The following SRD5A2 variants were observed in gnomAD, a reference collection of about 807,000 sequenced individuals.
SRD5A2 encodes the protein 3-oxo-5-alpha-steroid 4-dehydrogenase 2.
SRD5A2 carries 30 observed loss-of-function variants against 27.4 expected under a neutral mutation model. The ratio of observed to expected loss-of-function variants is 1.10; its 90% CI spans 0.82 to 1.49. The LOEUF is 1.49. SRD5A2 is among the 40% of genes most tolerant of loss of function. The probability of loss-of-function intolerance (pLI) is 0.00; values close to 1 mark genes in which losing one functional copy is unlikely to be tolerated. For missense variants in SRD5A2, 348 were observed against 323.4 expected, an observed-to-expected ratio of 1.08 and a Z score of -0.58; for synonymous variants, 141 against 133.6, an observed-to-expected ratio of 1.06 and a Z score of -0.38.
At chr2:31,552,572 A>C (rs187178849) in intron 1 of SRD5A2, among the ~76,000 whole-genome samples, 1 of 152,272 alleles carries the variant, frequency 6.6e-6, no homozygotes, top group East Asian at 1.9e-4. Flanking sequence ...GCATCTCACC[A>C]AGAAGAGAGA....
In SRD5A2 at chr2:31,574,053, G is replaced by C. The variant is rs73922393; in HGVS notation, c.281+6567C>G. Among the ~76,000 whole-genome samples the C allele has an allele frequency of 2.4e-3, 365 of 152,280 alleles. 4 individuals carry two copies. Among genetic ancestry groups the C allele is most frequent in the African/African-American group, 8.3e-3 (346 of 41,558 alleles). ...CCCATGCACAATCAAACATAGACAG[G>C]CACTAGGGCCCTCTCAGATGAATGT... On this transcript the variant is annotated intron_variant, in intron 1 of 4. Transcript: ENST00000622030.
At chr2:31,617,231 T>C in the SRD5A2 span, among the ~76,000 whole-genome samples, 7 of 152,096 alleles carry the variant, frequency 4.6e-5, no homozygotes, top group African/African-American at 1.7e-4. Flanking sequence ...GCTTGGGACT[T>C]GTAACATCTG....
chr2:31,534,434 C>T (rs1271333406), intron 1 of SRD5A2, among the ~76,000 whole-genome samples: 2 of 152,086 alleles, frequency 1.3e-5, no homozygotes, highest in Non-Finnish European at 2.9e-5. Context: ...AGAAGGAACC[C>T]CTAGTTTGGC....
At chr2:31,631,708 A>G in the SRD5A2 span, among the ~76,000 whole-genome samples, 1 of 152,130 alleles carries the variant, frequency 6.6e-6, no homozygotes, top group African/African-American at 2.4e-5. Context: ...ACTAACCCCA[A>G]ATGAAAGAAG....
the SRD5A2 span, among the ~76,000 whole-genome samples, chr2:31,632,250 G>A: frequency 3.9e-5 from 6 of 152,290 alleles, no homozygotes; most frequent in African/African-American, 1.4e-4. Context: ...AAAGGCCACT[G>A]CTTGAGTCAT....
chr2:31,616,597 C>T, the SRD5A2 span, among the ~76,000 whole-genome samples: 1 of 152,146 alleles, frequency 6.6e-6, no homozygotes, highest in Non-Finnish European at 1.5e-5. Flanking sequence ...CTTTGTTTTG[C>T]CCAATTTCTC....
the SRD5A2 span, among the ~76,000 whole-genome samples, chr2:31,649,021 T>A: frequency 6.6e-6 from 1 of 152,194 alleles, no homozygotes; most frequent in African/African-American, 2.4e-5. Flanking sequence ...CTGAAATTCA[T>A]GCCCTCTAAA....
chr2:31,622,732 G>A, the SRD5A2 span, among the ~76,000 whole-genome samples: 3 of 152,164 alleles, frequency 2.0e-5, no homozygotes, highest in African/African-American at 7.2e-5. Flanking sequence ...TAGTGACCAT[G>A]AACTTTTTTT....
At chr2:31,536,407 C>T (rs562095219) in intron 1 of SRD5A2, among the ~76,000 whole-genome samples, 154 of 152,296 alleles carry the variant, frequency 1.0e-3, no homozygotes, top group African/African-American at 3.4e-3. Context: ...TGCATCTATC[C>T]AGCAGGCAAA....
chr2:31,558,318 A>G (rs1043537957), intron 1 of SRD5A2, among the ~76,000 whole-genome samples: 3 of 152,226 alleles, frequency 2.0e-5, no homozygotes, highest in Non-Finnish European at 4.4e-5. Flanking sequence ...CTAGGCTGCC[A>G]TAACAAATTG....
intron 1 of SRD5A2, among the ~76,000 whole-genome samples, chr2:31,573,913 T>C (rs2148100602): frequency 6.6e-6 from 1 of 152,366 alleles, no homozygotes; most frequent in African/African-American, 2.4e-5. Flanking sequence ...GGTGGTAATA[T>C]GTCTCTAGTT....
chr2:31,631,959 C>T, the SRD5A2 span, among the ~76,000 whole-genome samples: 1 of 152,050 alleles, frequency 6.6e-6, no homozygotes, highest in Admixed American at 6.6e-5. Flanking sequence ...CAATGATGTC[C>T]CCTATAACAT....
the SRD5A2 span, among the ~76,000 whole-genome samples, chr2:31,606,766 T>C: frequency 6.6e-6 from 1 of 151,972 alleles, no homozygotes; most frequent in South Asian, 2.1e-4. Context: ...AGTCACATCG[T>C]TGGCATAAAC....
chr2:31,617,905 C>G, the SRD5A2 span, among the ~76,000 whole-genome samples: 1 of 152,168 alleles, frequency 6.6e-6, no homozygotes, highest in Non-Finnish European at 1.5e-5. Context: ...GCCTGTCACC[C>G]AGTTTCAAAG....
the SRD5A2 span, among the ~76,000 whole-genome samples, chr2:31,603,260 A>T: frequency 2.6e-5 from 4 of 152,102 alleles, no homozygotes; most frequent in African/African-American, 9.7e-5. Flanking sequence ...GACACTTCTC[A>T]AAAGAAGACA....
At chr2:31,539,586 C>G (rs1422179811) in intron 1 of SRD5A2, among the ~76,000 whole-genome samples, 1 of 152,184 alleles carries the variant, frequency 6.6e-6, no homozygotes, top group Admixed American at 6.5e-5. Flanking sequence ...GCTCATCCCA[C>G]TTCTCCACAG....
chr2:31,527,876 C>T (rs1434201848), intron 4 of SRD5A2, among the ~76,000 whole-genome samples: 3 of 152,184 alleles, frequency 2.0e-5, no homozygotes, highest in African/African-American at 2.4e-5. Context: ...ATCTTCAAAA[C>T]TAGGCATTGA....
At chr2:31,530,473 G>A (rs1055239876) in intron 3 of SRD5A2, among the ~76,000 whole-genome samples, 10 of 152,170 alleles carry the variant, frequency 6.6e-5, no homozygotes, top group African/African-American at 1.9e-4. Flanking sequence ...TTTCTATGAA[G>A]ACAGTAAACG....
At chr2:31,637,198 G>A in the SRD5A2 span, among the ~76,000 whole-genome samples, 5 of 152,026 alleles carry the variant, frequency 3.3e-5, no homozygotes, top group East Asian at 7.7e-4. Context: ...CTTCAATCAT[G>A]GTAAGTTGTA....
Sources: allele counts gnomAD v4.1 joint callset (sites outside exome capture counted in the v4.1 genomes callset), GRCh38; gene constraint gnomAD v4.1.1; transcripts MANE v1.5; gene names NCBI Gene and HGNC (gene_info 2026-07-23, HGNC 2026-07-21).